The following PDE7B variants were observed in gnomAD, a reference collection of about 807,000 sequenced individuals.
PDE7B encodes the protein phosphodiesterase 7B.
PDE7B carries 29 observed loss-of-function variants against 56.2 expected under a neutral mutation model. The ratio of observed to expected loss-of-function variants is 0.52; its 90% confidence interval spans 0.38 to 0.70. The LOEUF is 0.70. PDE7B is among the 30% of genes least tolerant of loss of function. PDE7B has a pLI of 0.00. For missense variants in PDE7B, 490 were observed against 565.0 expected, an observed-to-expected ratio of 0.87 and a Z score of 1.35; for synonymous variants, 197 against 196.9, an observed-to-expected ratio of 1.00 and a Z score of 0.00.
At chr6:136,170,660 G>C (rs1778863374) in intron 8 of PDE7B, among the ~76,000 whole-genome samples, 1 of 152,130 alleles carries the variant, frequency 6.6e-6, no homozygotes, top group African/African-American at 2.4e-5. Flanking sequence ...ATTTCTTACA[G>C]TTATGGAAGC....
At chr6:135,978,283 A>T (rs1032169833) in intron 2 of PDE7B, among the ~76,000 whole-genome samples, 3 of 152,210 alleles carry the variant, frequency 2.0e-5, no homozygotes, top group Admixed American at 6.6e-5. Flanking sequence ...CAGTAAAAAC[A>T]TGATACAAAA....
intron 2 of PDE7B, among the ~76,000 whole-genome samples, chr6:135,961,921 T>C (rs375976747): frequency 7.2e-5 from 11 of 152,192 alleles, no homozygotes; most frequent in Non-Finnish European, 1.3e-4. Flanking sequence ...TGTATGATAC[T>C]GTAATGGTAG....
At chr6:135,926,143 G>C (rs1053397195) in intron 1 of PDE7B, among the ~76,000 whole-genome samples, 4 of 145,344 alleles carry the variant, frequency 2.8e-5, no homozygotes, top group African/African-American at 1.0e-4. Flanking sequence ...CTGCAGTGCA[G>C]TGGCGCAATC....
intron 1 of PDE7B, among the ~76,000 whole-genome samples, chr6:135,874,083 AG>A (rs1397146156): frequency 5.3e-5 from 8 of 152,306 alleles, no homozygotes; most frequent in African/African-American, 1.4e-4. Flanking sequence ...ATTTTTAAGA[AG>A]GTGCTTGGGA....
intron 2 of PDE7B, among the ~76,000 whole-genome samples, chr6:135,963,942 G>T (rs368657693): frequency 1.3e-5 from 2 of 152,148 alleles, no homozygotes; most frequent in African/African-American, 4.8e-5. Flanking sequence ...GGCCCTGAAA[G>T]GTTGTTCAGG....
At chr6:136,081,197 C>A (rs1394757276) in intron 2 of PDE7B, among the ~76,000 whole-genome samples, 1 of 152,026 alleles carries the variant, frequency 6.6e-6, no homozygotes, top group African/African-American at 2.4e-5. Context: ...GAGATTACTG[C>A]AGTATGATTT....
In PDE7B at chr6:136,108,645, G is replaced by A. The variant is rs992403840; in HGVS notation, c.83-86G>A. On this transcript the variant is annotated intron_variant, in intron 2 of 12. Transcript: ENST00000308191. ...GAACCATTTTTCTCCTGACATCTGG[G>A]GTTGGTTTCATTGAGGATTTACAGG... 1.5e-5 allele frequency: 13 copies of A among 841,572 alleles called. No individual in the cohort carries two copies. The African/African-American group carries it at 2.0e-4, about 13-fold the overall frequency. 52.1% of individuals were successfully genotyped at this position (841,572 alleles called of 1,614,324 possible).
At position 136,002,517 on chromosome 6, in the gene PDE7B, A is replaced by C. The variant is rs552964228; in HGVS notation, c.82+54993A>C. 7.2e-5 allele frequency among the ~76,000 whole-genome samples: 11 copies of C among 152,328 alleles called. No individual in the cohort carries two copies. The South Asian group carries it at 2.1e-3, about 29-fold the overall frequency. ...AAGGATAGAGGAAGATCTACCAAGC[A>C]AATGGAAAACAAAAAAAGGCAGGGG... On this transcript the variant is annotated intron_variant, in intron 2 of 12. Transcript: ENST00000308191.
At chr6:136,061,926 T>C (rs1776851973) in intron 2 of PDE7B, among the ~76,000 whole-genome samples, 2 of 152,204 alleles carry the variant, frequency 1.3e-5, no homozygotes, top group African/African-American at 2.4e-5. Context: ...CCTGGTACAT[T>C]GCCAGAACTC....
intron 2 of PDE7B, among the ~76,000 whole-genome samples, chr6:136,033,629 C>T (rs1318091202): frequency 6.6e-6 from 1 of 152,188 alleles, no homozygotes; most frequent in African/African-American, 2.4e-5. Context: ...TGCTTTCCCC[C>T]TTTCCCCATG....
intron 3 of PDE7B, among the ~76,000 whole-genome samples, chr6:136,139,564 G>A (rs1778280607): frequency 6.6e-6 from 1 of 152,120 alleles, no homozygotes; most frequent in African/African-American, 2.4e-5. Context: ...CACAATGGTT[G>A]AACTAGTTTA....
At chr6:136,098,077 C>A (rs1311803428) in intron 2 of PDE7B, 3 of 132,642 alleles carry the variant, frequency 2.3e-5, no homozygotes, top group African/African-American at 8.4e-5. Context: ...ACCTCCCTGG[C>A]AAAGTGAAGA....
chr6:135,928,940 C>T (rs1043730099), intron 1 of PDE7B, among the ~76,000 whole-genome samples: 2 of 152,072 alleles, frequency 1.3e-5, no homozygotes, highest in Non-Finnish European at 2.9e-5. Flanking sequence ...CAAACCTGCA[C>T]GTGTACCCTC....
intron 2 of PDE7B, among the ~76,000 whole-genome samples, chr6:136,051,662 C>T (rs1776630971): frequency 6.6e-6 from 1 of 152,202 alleles, no homozygotes; most frequent in Non-Finnish European, 1.5e-5. Context: ...CCTGGTTCAT[C>T]TCAAAGGGAG....
At chr6:135,860,255 C>G (rs1005095613) in intron 1 of PDE7B, among the ~76,000 whole-genome samples, 1 of 151,968 alleles carries the variant, frequency 6.6e-6, no homozygotes, top group Non-Finnish European at 1.5e-5. Context: ...CAGCTTTTTG[C>G]TGACAGTTTT....
At chr6:135,878,918 A>G (rs1052570448) in intron 1 of PDE7B, among the ~76,000 whole-genome samples, 8 of 151,852 alleles carry the variant, frequency 5.3e-5, no homozygotes, top group African/African-American at 1.9e-4. Context: ...TTTTTATTTG[A>G]TTTGTAACAG....
At chr6:135,895,611 A>T (rs533133058) in intron 1 of PDE7B, among the ~76,000 whole-genome samples, 15 of 152,288 alleles carry the variant, frequency 9.8e-5, no homozygotes, top group African/African-American at 3.6e-4. Context: ...ATGTGCTTGC[A>T]GGCAAAAACA....
At chr6:136,168,612 G>C (rs1280412803) in intron 8 of PDE7B, among the ~76,000 whole-genome samples, 4 of 152,102 alleles carry the variant, frequency 2.6e-5, no homozygotes, top group African/African-American at 9.7e-5. Flanking sequence ...CAATGAAAAA[G>C]GATGGTAAAA....
chr6:135,980,628 T>G (rs1002690425), intron 2 of PDE7B, among the ~76,000 whole-genome samples: 30 of 152,034 alleles, frequency 2.0e-4, no homozygotes, highest in Non-Finnish European at 2.5e-4. Context: ...GCGAAGGACA[T>G]GAACAGACAC....
Sources: allele counts gnomAD v4.1 joint callset (sites outside exome capture counted in the v4.1 genomes callset), GRCh38; gene constraint gnomAD v4.1.1; transcripts MANE v1.5; gene names NCBI Gene and HGNC (gene_info 2026-07-23, HGNC 2026-07-21).